The following ABCB11 variants were observed in gnomAD, a reference collection of about 807,000 sequenced individuals.
ABCB11 encodes the protein bile salt export pump.
Under a neutral mutation model 148.0 loss-of-function variants are expected in ABCB11, and 95 were observed. That is an observed-to-expected ratio of 0.64 (90% CI 0.54 to 0.76). The LOEUF is 0.76. Ranked by LOEUF, ABCB11 falls within the 30% of genes least tolerant of loss-of-function variation. ABCB11 has a pLI of 0.00. For missense variants in ABCB11, 1,523 were observed against 1,617.8 expected (o/e 0.94, Z 1.01); for synonymous variants, 591 against 555.4 (o/e 1.06, Z -0.90).
intron 8 of ABCB11, 128 bp downstream of exon 8, chr2:168,993,583 A>G (rs925668296): frequency 2.4e-6 from 2 of 830,354 alleles, no homozygotes; most frequent in Admixed American, 3.0e-5. Context: ...GTAATCTAAC[A>G]AACTACATGA....
intron 5 of ABCB11, among the ~76,000 whole-genome samples, chr2:168,997,903 A>G (rs1018328663): frequency 1.3e-4 from 20 of 152,006 alleles, no homozygotes; most frequent in Non-Finnish European, 2.9e-4. Flanking sequence ...TGAAATCAAT[A>G]AATGTTTCCT....
chr2:168,944,484 T>G, intron 21 of ABCB11, 121 bp downstream of exon 21: 2 of 1,114,012 alleles, frequency 1.8e-6, no homozygotes, highest in Admixed American at 4.9e-5. Context: ...AATGTGGCTT[T>G]AGGATATCCC....
intron 9 of ABCB11, among the ~76,000 whole-genome samples, chr2:168,986,666 A>T (rs1694337715): frequency 6.6e-6 from 1 of 152,126 alleles, no homozygotes; most frequent in African/African-American, 2.4e-5. Flanking sequence ...CTGGCTCCAA[A>T]TAAGCAGACC....
intron 1 of ABCB11, 37 bp from the exon 2 acceptor site, chr2:169,018,189 T>C (rs1004082293): frequency 1.2e-4 from 191 of 1,544,296 alleles, no homozygotes; most frequent in Non-Finnish European, 1.6e-4. Flanking sequence ...GCAATTATTA[T>C]CTCTTCTTTC....
At position 168,990,789 on chromosome 2, in the gene ABCB11, C is replaced by T; in HGVS notation, c.908+12G>A. ...TGAAATTAAGGAAAGAATCAGATTC[C>T]AATTAACCAACCTTTCAACCTCTCT... is the stretch of plus-strand genomic sequence containing the variant. On this transcript the variant is annotated intron_variant, in intron 9 of 27. Coordinates refer to ENST00000650372, the MANE Select transcript of ABCB11 (RefSeq NM_003742.4). The T allele has an allele frequency of 6.2e-7, 1 of 1,612,390 alleles. No individual in the cohort carries two copies. Among genetic ancestry groups the T allele is most frequent in the Non-Finnish European group, 8.5e-7 (1 of 1,179,052 alleles).
downstream of ABCB11, among the ~76,000 whole-genome samples, chr2:168,917,562 A>G (rs1690964235): frequency 6.6e-6 from 1 of 152,234 alleles, no homozygotes; most frequent in South Asian, 2.1e-4. Flanking sequence ...GATGTAAAGC[A>G]TTTTAACCAC....
intron 1 of ABCB11, among the ~76,000 whole-genome samples, chr2:169,030,960 CCCA>C (rs1695848614): frequency 6.6e-6 from 1 of 151,528 alleles, no homozygotes. Flanking sequence ...GTACCACACA[CCCA>C]TGTACACCAC....
intron 9 of ABCB11, among the ~76,000 whole-genome samples, chr2:168,987,435 A>T (rs1694365003): frequency 6.6e-6 from 1 of 151,950 alleles, no homozygotes; most frequent in East Asian, 1.9e-4. Flanking sequence ...TTTCAACACT[A>T]ATTTGTTTTT....
Position 168,995,340 on chromosome 2 carries a change from G to C in ABCB11, c.611+9C>G. On this transcript the variant is annotated intron_variant, in intron 7 of 27. Coordinates refer to ENST00000650372, the MANE Select transcript of ABCB11 (RefSeq NM_003742.4). Reference sequence around the variant, plus strand: ...CACACACTAAAATACTGTTTTACCAGCTACTTACTCAGAGAATCTTGTATT... The same window carrying C: ...CACACACTAAAATACTGTTTTACCACCTACTTACTCAGAGAATCTTGTATT... 1 of 1,610,358 alleles carries C rather than the reference G, an allele frequency of 6.2e-7. No homozygotes were observed. Among genetic ancestry groups the C allele is most frequent in the Non-Finnish European group, 8.5e-7 (1 of 1,177,966 alleles).
At position 169,007,369 on chromosome 2, in the gene ABCB11, C is replaced by T. The variant is rs77212894; in HGVS notation, c.389+5903G>A. Among the ~76,000 whole-genome samples the T allele has an allele frequency of 9.2e-3, 1,399 of 152,236 alleles. 18 individuals are homozygous for T. Among genetic ancestry groups the T allele is most frequent in the African/African-American group, 0.031 (1,281 of 41,542 alleles). On this transcript the variant is annotated intron_variant, in intron 5 of 27. Transcript: ENST00000650372. ...TACTCAAAGTGGATCGTAGACTAAC[C>T]GTGAGTGTATTAGTTCATCTCACAC...
intron 1 of ABCB11, among the ~76,000 whole-genome samples, chr2:169,027,911 A>G (rs1695749160): frequency 6.6e-6 from 1 of 152,144 alleles, no homozygotes; most frequent in African/African-American, 2.4e-5. Flanking sequence ...ATTGAAGAAA[A>G]AAAAAGGGTC....
chr2:168,965,926 C>A (rs1693295839), intron 17 of ABCB11, among the ~76,000 whole-genome samples: 1 of 151,818 alleles, frequency 6.6e-6, no homozygotes, highest in South Asian at 2.1e-4. Flanking sequence ...CTTAGTCACC[C>A]AGGTTCAACA....
chr2:168,955,609 G>A (rs1309739325), intron 19 of ABCB11, among the ~76,000 whole-genome samples: 3 of 151,476 alleles, frequency 2.0e-5, no homozygotes, highest in Non-Finnish European at 4.4e-5. Flanking sequence ...TTTGGGTGGG[G>A]ACACAGAGCC....
chr2:168,977,584 G>A (rs1328807009), intron 11 of ABCB11, among the ~76,000 whole-genome samples: 1 of 152,090 alleles, frequency 6.6e-6, no homozygotes, highest in Non-Finnish European at 1.5e-5. Flanking sequence ...AACTAGTGAT[G>A]GAAATTCATC....
intron 3 of ABCB11, among the ~76,000 whole-genome samples, chr2:169,015,594 A>G (rs946525931): frequency 1.3e-5 from 2 of 151,068 alleles, no homozygotes; most frequent in Non-Finnish European, 3.0e-5. Context: ...CAGCTCCATC[A>G]CCTCCGCTAG....
chr2:168,980,157 T>A (rs910241852), intron 10 of ABCB11, among the ~76,000 whole-genome samples, 178 bp from the exon 11 acceptor site: 37 of 151,390 alleles, frequency 2.4e-4, no homozygotes, highest in South Asian at 2.1e-3. Flanking sequence ...CTGTAAAGCA[T>A]CTCCAAGTTT....
chr2:169,002,075 C>G (rs1332224150), intron 5 of ABCB11, among the ~76,000 whole-genome samples: 1 of 152,002 alleles, frequency 6.6e-6, no homozygotes, highest in Admixed American at 6.6e-5. Context: ...GATAGAAAAA[C>G]AAAATCATTT....
chr2:168,995,352 G>A lies in ABCB11; in HGVS notation c.608C>T (p.Ser203Phe), dbSNP rs1383786086. 2 of 1,611,432 alleles carry A rather than the reference G, an allele frequency of 1.2e-6. No homozygotes were observed. The highest frequency in any genetic ancestry group is 1.7e-6 in the Non-Finnish European group (2 of 1,178,562). ...TACTGTTTTACCAGCTACTTACTCA[G>A]AGAATCTTGTATTCAGCTCCCCCAC... ...NSVGELNTRF[S>F]DDINKINDAI... The change falls in exon 7 of 28, where the codon TCT becomes TTT. Residue 203 changes from serine (S) to phenylalanine (F), a missense_variant. Coordinates refer to ENST00000650372, the MANE Select transcript of ABCB11 (RefSeq NM_003742.4).
At chr2:168,989,275 T>G (rs1002375954) in intron 9 of ABCB11, among the ~76,000 whole-genome samples, 1 of 152,166 alleles carries the variant, frequency 6.6e-6, no homozygotes, top group Non-Finnish European at 1.5e-5. Flanking sequence ...ATTTAAAACT[T>G]TAATCCATTT....
Sources: gnomAD v4.1 joint callset for allele counts (sites outside exome capture counted in the v4.1 genomes callset) on GRCh38, gnomAD v4.1.1 for gene constraint, MANE v1.5 for transcripts, NCBI Gene and HGNC (gene_info 2026-07-23, HGNC 2026-07-21) for gene names.